The following MYRFL variants were observed in gnomAD, a reference collection of about 807,000 sequenced individuals.
MYRFL encodes myelin regulatory factor-like protein.
MYRFL carries 88 observed loss-of-function variants against 109.4 expected under a neutral mutation model. The ratio of observed to expected loss-of-function variants is 0.80; its 90% confidence interval spans 0.68 to 0.96. The LOEUF (loss-of-function observed/expected upper bound fraction) is 0.96, where lower values mean the gene tolerates loss of function less well. Ranked by LOEUF, MYRFL falls within the 40% of genes least tolerant of loss-of-function variation. The pLI is 0.00. For synonymous variants in MYRFL, 324 were observed against 320.9 expected (o/e 1.01, Z -0.10); for missense variants, 957 against 954.9 (o/e 1.00, Z -0.03).
At chr12:69,859,242 G>A (rs1026663658) in intron 2 of MYRFL, among the ~76,000 whole-genome samples, 2 of 151,952 alleles carry the variant, frequency 1.3e-5, no homozygotes, top group African/African-American at 4.8e-5. Flanking sequence ...ATTTTGTTAA[G>A]GTTTGCTTTA....
At chr12:69,880,949 C>CCGTTTTTTTT (rs1379691821) in intron 5 of MYRFL, among the ~76,000 whole-genome samples, 3 of 30,230 alleles carry the variant, frequency 9.9e-5, no homozygotes, top group African/African-American at 1.9e-4. Flanking sequence ...GTCAGCCTTC[C>CCGTTTTTTTT]TGTTTTTTTT....
At chr12:69,949,639 AT>A (rs35789649) in intron 19 of MYRFL, among the ~76,000 whole-genome samples, 8 of 144,412 alleles carry the variant, frequency 5.5e-5, no homozygotes, top group African/African-American at 1.0e-4. Flanking sequence ...ACATTATGAG[AT>A]TTTTTTTTTG....
chr12:69,887,652 TAA>T (rs1420921853), intron 6 of MYRFL, among the ~76,000 whole-genome samples: 1 of 152,236 alleles, frequency 6.6e-6, no homozygotes, highest in East Asian at 1.9e-4. Flanking sequence ...GGCTATAACT[TAA>T]GTTAAAATTT....
intron 13 of MYRFL, 68 bp from the exon 14 acceptor site, chr12:69,926,503 G>T: frequency 7.7e-7 from 1 of 1,292,874 alleles, no homozygotes; most frequent in Non-Finnish European, 1.0e-6. Flanking sequence ...CTTTGAATGG[G>T]CTGTAGACAG....
intron 1 of MYRFL, among the ~76,000 whole-genome samples, chr12:69,854,053 C>T (rs1474797128): frequency 6.6e-6 from 1 of 152,226 alleles, no homozygotes; most frequent in Non-Finnish European, 1.5e-5. Flanking sequence ...CCAGCCTGGG[C>T]AACATTGAGC....
intron 14 of MYRFL, 24 bp from the exon 15 acceptor site, chr12:69,927,661 A>C: frequency 6.6e-7 from 1 of 1,521,480 alleles, no homozygotes; most frequent in African/African-American, 1.4e-5. Flanking sequence ...TTGAATAGTA[A>C]CCAATTTTCT....
intron 2 of MYRFL, among the ~76,000 whole-genome samples, chr12:69,875,372 AT>A (rs910261035): frequency 2.9e-4 from 43 of 150,864 alleles, no homozygotes; most frequent in African/African-American, 1.0e-3. Context: ...GATTTTATTT[AT>A]TTTTTTTCAC....
chr12:69,857,099 A>G (rs1223790108), intron 2 of MYRFL, among the ~76,000 whole-genome samples: 1 of 151,882 alleles, frequency 6.6e-6, no homozygotes, highest in East Asian at 1.9e-4. Context: ...TGGATGTCCA[A>G]TTATCCTGGA....
chr12:69,860,688 C>T (rs984051233), intron 2 of MYRFL, among the ~76,000 whole-genome samples: 8 of 151,918 alleles, frequency 5.3e-5, no homozygotes, highest in Non-Finnish European at 1.2e-4. Context: ...AGTATTCCAT[C>T]TTAATATATT....
At chr12:69,901,533 T>C (rs567747516) in intron 10 of MYRFL, among the ~76,000 whole-genome samples, 46 of 152,346 alleles carry the variant, frequency 3.0e-4, no homozygotes, top group African/African-American at 1.1e-3. Flanking sequence ...AATCCACTTA[T>C]ATCTGCTGTT....
At chr12:69,917,383 C>CTTTTTTTT (rs56118035) in intron 13 of MYRFL, among the ~76,000 whole-genome samples, 22 of 102,506 alleles carry the variant, frequency 2.1e-4, no homozygotes, top group Admixed American at 3.7e-4. Context: ...TATTCACTGA[C>CTTTTTTTT]TTTTTTTTTT....
At chr12:69,884,309 A>T (rs1448227896) in intron 5 of MYRFL, among the ~76,000 whole-genome samples, 1 of 152,236 alleles carries the variant, frequency 6.6e-6, no homozygotes, top group African/African-American at 2.4e-5. Flanking sequence ...CACTAGGCTC[A>T]GGTGTGTGCC....
rs1290453886 is a variant in MYRFL at position 69,927,717 on chromosome 12, CAAG to C, written c.1803_1805del (p.Arg602del). 2 of 1,533,170 alleles carry C rather than the reference CAAG, an allele frequency of 1.3e-6. No homozygotes were observed. The highest frequency in any genetic ancestry group is 2.4e-5 in the South Asian group (2 of 83,530). 95.0% of individuals were successfully genotyped at this position (1,533,170 alleles called of 1,614,324 possible). A position where few individuals can be genotyped will look rare whatever the true frequency, so the allele number is the denominator to read the frequency against. On this transcript the variant is annotated inframe_deletion, in exon 15 of 25. Transcript: ENST00000552032. Reference sequence around the variant, plus strand: ...AGCAGAGCCGTTAGTGCATCTTCTCCAAGAAGGGCCGTTCATAAAAAAAACAAC... The same window carrying C: ...AGCAGAGCCGTTAGTGCATCTTCTCCAAGGGCCGTTCATAAAAAAAACAAC...
At chr12:69,827,010 A>C (rs1383717901) in intron 1 of MYRFL, among the ~76,000 whole-genome samples, 1 of 152,058 alleles carries the variant, frequency 6.6e-6, no homozygotes, top group African/African-American at 2.4e-5. Flanking sequence ...GATATTCTTG[A>C]TCTGCAGTCC....
At position 69,936,343 on chromosome 12, in the gene MYRFL, C is replaced by T. The variant is rs1245569931; in HGVS notation, c.2044+8C>T. On this transcript the variant is annotated splice_region_variant and intron_variant, in intron 18 of 24. Transcript: ENST00000552032. ...CCACAGCCTCCTCCTCAGGTAAAGG[C>T]TTCACATTCCTCACCCTCAAACCCG... 1.1e-5 allele frequency: 17 copies of T among 1,535,764 alleles called. No individual in the cohort carries two copies. The highest frequency in any genetic ancestry group is 1.4e-5 in the Non-Finnish European group (16 of 1,146,804).
intron 12 of MYRFL, among the ~76,000 whole-genome samples, 175 bp from the exon 13 acceptor site, chr12:69,910,646 A>G (rs888412093): frequency 2.6e-5 from 4 of 152,016 alleles, no homozygotes; most frequent in African/African-American, 9.7e-5. Context: ...AAAAAAAAAA[A>G]AAAAAGGAAA....
At chr12:69,840,596 C>G (rs540538387) in intron 1 of MYRFL, among the ~76,000 whole-genome samples, 2 of 152,302 alleles carry the variant, frequency 1.3e-5, no homozygotes, top group East Asian at 3.9e-4. Context: ...GCACACTGCT[C>G]TTCATTACAT....
intron 13 of MYRFL, among the ~76,000 whole-genome samples, chr12:69,922,980 G>T (rs11177967): frequency 0.096 from 14,597 of 152,082 alleles, 1,004 homozygotes; most frequent in Middle Eastern, 0.16. Context: ...ATATAGGACA[G>T]GCAGGACAAA....
At chr12:69,846,255 G>A (rs11833321) in intron 1 of MYRFL, among the ~76,000 whole-genome samples, 14 of 150,314 alleles carry the variant, frequency 9.3e-5, no homozygotes, top group Admixed American at 2.7e-4. Context: ...TAGTTACATA[G>A]GTATACATGT....
Sources: gnomAD v4.1 joint callset for allele counts (sites outside exome capture counted in the v4.1 genomes callset) on GRCh38, gnomAD v4.1.1 for gene constraint, MANE v1.5 for transcripts, NCBI Gene and HGNC (gene_info 2026-07-23, HGNC 2026-07-21) for gene names.